The following SPINT1 variants were observed in gnomAD, a reference collection of about 807,000 sequenced individuals.
SPINT1 encodes serine peptidase inhibitor, Kunitz type 1, also known as kunitz-type protease inhibitor 1.
In SPINT1, 38 loss-of-function variants were observed where a neutral mutation model predicts 53.7. That is an observed-to-expected ratio of 0.71 (90% CI 0.55 to 0.93). The LOEUF (loss-of-function observed/expected upper bound fraction) is 0.93. Ranked by LOEUF, SPINT1 falls within the 40% of genes least tolerant of loss-of-function variation. The pLI is 0.00. For missense variants in SPINT1, 645 were observed against 692.9 expected, an observed-to-expected ratio of 0.93 and a Z score of 0.78; for synonymous variants, 283 against 280.6, an observed-to-expected ratio of 1.01 and a Z score of -0.08.
rs1353864468 is a variant in SPINT1 at position 40,844,504 on chromosome 15, C to T, written c.-51C>T. 2 of 1,568,336 alleles carry T rather than the reference C, an allele frequency of 1.3e-6. No individual in the cohort carries two copies. The highest frequency in any genetic ancestry group is 1.1e-5 in the South Asian group (1 of 90,116). On this transcript the variant is annotated 5_prime_UTR_variant, in exon 2 of 11. Transcript: ENST00000562057. This position sits in a 1 kb window ranked among gnomAD's most constrained non-coding sequence, Gnocchi z 5.8. Reference sequence around the variant, plus strand: ...CTTCTTCTCAGGTCACCAGCACCCTCGGAACCCAGAGGCCCGCGCTCTGAA... The same window carrying T: ...CTTCTTCTCAGGTCACCAGCACCCTTGGAACCCAGAGGCCCGCGCTCTGAA...
rs768272269 is a variant in SPINT1, at chr15:40,844,794, C to A, written c.240C>A (p.Thr80=). ...GAGCTACCTTCCTGGAGTCCCCCAC[C>A]GTGCGCCGGGGCTGGGACTGCGTGC... ...SNGATFLESP[T]VRRGWDCVRA... Residue 80 remains threonine (T), a synonymous_variant, in exon 2 of 11, where the codon ACC becomes ACA. Transcript: ENST00000562057. This position sits in a 1 kb window ranked among gnomAD's most constrained non-coding sequence, Gnocchi z 5.8. 1.2e-6 allele frequency: 2 copies of A among 1,613,256 alleles called. No homozygotes were observed. Among genetic ancestry groups the A allele is most frequent in the Non-Finnish European group, 1.7e-6 (2 of 1,179,672 alleles).
intron 2 of SPINT1, among the ~76,000 whole-genome samples, chr15:40,847,633 G>C (rs1215255117): frequency 2.0e-5 from 3 of 152,140 alleles, no homozygotes; most frequent in Non-Finnish European, 4.4e-5. Flanking sequence ...TAACTAACTG[G>C]GGGAGGGGCT....
rs1021830460 is a variant in SPINT1 at position 40,857,294 on chromosome 15, A to G, written c.*319A>G. On this transcript the variant is annotated 3_prime_UTR_variant, in exon 11 of 11. Coordinates refer to ENST00000562057, the MANE Select transcript of SPINT1 (RefSeq NM_003710.4). The stretch of plus-strand genomic sequence containing the variant: ...GTCCCTACCCCATGGTGCTAGGAAG[A>G]GGAGTGGGGTGGTGTCAGACCCTGG... 2.7e-5 allele frequency: 10 copies of G among 365,580 alleles called. No homozygotes were observed. The highest frequency in any genetic ancestry group is 5.0e-5 in the Non-Finnish European group (10 of 199,562). The allele number at this position is 365,580 out of a possible 1,614,324, so 22.6% of individuals were successfully genotyped here.
At chr15:40,854,752 C>G in intron 8 of SPINT1, 63 bp downstream of exon 8, 1 of 1,603,574 alleles carries the variant, frequency 6.2e-7, no homozygotes, top group Non-Finnish European at 8.5e-7. Context: ...CTCACTATTT[C>G]CATCCAGCAG....
chr15:40,854,607 G>A, intron 7 of SPINT1, 32 bp from the exon 8 acceptor site: 1 of 1,614,218 alleles, frequency 6.2e-7, no homozygotes. Flanking sequence ...GACCCTTGTT[G>A]GGTCTGAGAC....
Position 40,856,058 on chromosome 15 carries a change from C to G in SPINT1, c.1284C>G (p.Ile428Met). 6.2e-7 allele frequency: 1 copy of G among 1,613,974 alleles called. No homozygotes were observed. Among genetic ancestry groups the G allele is most frequent in the Non-Finnish European group, 8.5e-7 (1 of 1,179,968 alleles). ...EQQCLESCRGISKKDVFGLRR... is the reference protein window; with the variant it reads ...EQQCLESCRGMSKKDVFGLRR... ...AGTGCCTCGAGTCTTGTCGCGGCATCTCCAGTGAGTGGGCCAGTGAGAGGG... is the reference window on the plus strand; with the variant it reads ...AGTGCCTCGAGTCTTGTCGCGGCATGTCCAGTGAGTGGGCCAGTGAGAGGG... The change falls in exon 9 of 11, where the codon ATC becomes ATG. Residue 428 changes from isoleucine (I) to methionine (M), a missense_variant. Physicochemically the swap from Ile to Met is conservative, Grantham distance 10 (BLOSUM62 1). Transcript: ENST00000562057.
Position 40,853,224 on chromosome 15 carries a change from G to A in SPINT1, c.576G>A (p.Leu192=), listed in dbSNP as rs901586136. 6.2e-7 allele frequency: 1 copy of A among 1,614,122 alleles called. No individual in the cohort carries two copies. The highest frequency in any genetic ancestry group is 1.3e-5 in the African/African-American group (1 of 74,950). The change falls in exon 3 of 11, where the codon CTG becomes CTA. Residue 192 remains leucine, a synonymous_variant. Transcript: ENST00000562057. ...TGGAAAACACAGATTGGCGCCTACT[G>A]CGGGGTGACACGGATGTCAGGGTAG... ...KDVENTDWRL[L]RGDTDVRVER...
At chr15:40,853,926 C>G in intron 5 of SPINT1, 45 bp downstream of exon 5, 2 of 1,614,082 alleles carry the variant, frequency 1.2e-6, no homozygotes, top group East Asian at 2.2e-5. Flanking sequence ...GACTTTCCCC[C>G]AGGGTGAGTG....
chr15:40,847,052 T>G (rs689589), intron 2 of SPINT1, among the ~76,000 whole-genome samples: 104,991 of 152,090 alleles, frequency 0.69, 37,585 homozygotes, highest in East Asian at 0.99. Flanking sequence ...TCAGGGAGCT[T>G]AGCTGGACTA....
chr15:40,856,799 C>G lies in SPINT1; in HGVS notation c.1366C>G (p.Leu456Val), dbSNP rs781761957. 1.9e-6 allele frequency: 3 copies of G among 1,614,194 alleles called. No homozygotes were observed. In the East Asian group the frequency reaches 6.7e-5, roughly 36 times the overall value. Residue 456 changes from leucine (L) to valine (V), a missense_variant, in exon 11 of 11, where the codon CTG becomes GTG. Physicochemically the swap from Leu to Val is conservative, Grantham distance 32 (BLOSUM62 1). Transcript: ENST00000562057. Reference sequence around the variant, plus strand: ...TGTGGAGATGGCTGTCGCAGTGTTCCTGGTCATCTGCATTGTGGTGGTGGT... The same window carrying G: ...TGTGGAGATGGCTGTCGCAGTGTTCGTGGTCATCTGCATTGTGGTGGTGGT... The part of the protein sequence containing the change: ...GSVEMAVAVF[L>V]VICIVVVVAI...
In SPINT1 at chr15:40,854,076, G is replaced by C. The variant is rs1289164125; in HGVS notation, c.930G>C (p.Arg310Ser). Reference sequence around the variant, plus strand: ...CTCTCCCAGGCCCCTCCATGGAAAGGCGCCATCCAGGTGGGCTTTACTCCC... The same window carrying C: ...CTCTCCCAGGCCCCTCCATGGAAAGCCGCCATCCAGGTGGGCTTTACTCCC... ...CRGVQGPSME[R>S]RHPVCSGTCQ... The change falls in exon 6 of 11, where the codon AGG becomes AGC. Residue 310 changes from arginine (R) to serine (S), a missense_variant. Transcript: ENST00000562057. 1 of 1,545,574 alleles carries C rather than the reference G, an allele frequency of 6.5e-7. No individual in the cohort carries two copies. The highest frequency in any genetic ancestry group is 8.7e-7 in the Non-Finnish European group (1 of 1,148,340).
At chr15:40,847,756 G>T (rs1349217499) in intron 2 of SPINT1, among the ~76,000 whole-genome samples, 1 of 152,110 alleles carries the variant, frequency 6.6e-6, no homozygotes, top group South Asian at 2.1e-4. Context: ...GGACTGAGTT[G>T]TGTTGGGGTG....
rs1891241302 is a variant in SPINT1, at chr15:40,844,930, A to C, written c.376A>C (p.Asn126His). ...CCTCATCAACTGCCTCTACGAGCAG[A>C]ACTTCGTGTGCAAGTTCGCGCCCAG... ...CFLINCLYEQ[N>H]FVCKFAPREG... Residue 126 changes from asparagine to histidine, a missense_variant, in exon 2 of 11, where the codon AAC (asparagine) becomes CAC (histidine). By Grantham distance (68) the Asn-to-His change is moderately conservative. Coordinates refer to ENST00000562057, the MANE Select transcript of SPINT1 (RefSeq NM_003710.4). The surrounding 1 kb of genome is among the most constrained non-coding windows in gnomAD (Gnocchi z 5.8). 1 of 1,613,872 alleles carries C rather than the reference A, an allele frequency of 6.2e-7. No homozygotes were observed. Among genetic ancestry groups the C allele is most frequent in the Non-Finnish European group, 8.5e-7 (1 of 1,180,034 alleles).
chr15:40,845,508 G>A (rs1055602466), intron 2 of SPINT1, among the ~76,000 whole-genome samples: 9 of 151,888 alleles, frequency 5.9e-5, no homozygotes, highest in Non-Finnish European at 8.8e-5. Context: ...TGATCAATGG[G>A]GTGACAGATG....
At chr15:40,852,662 T>TGTGTG (rs1891495476) in intron 2 of SPINT1, among the ~76,000 whole-genome samples, 1 of 151,552 alleles carries the variant, frequency 6.6e-6, no homozygotes, top group South Asian at 2.1e-4. Flanking sequence ...TGTGTGTGTG[T>TGTGTG]TTACTCAATA....
chr15:40,854,468 T>C lies in SPINT1; in HGVS notation c.1012T>C (p.Cys338Arg), dbSNP rs748183999. Residue 338 changes from cysteine to arginine, a missense_variant, in exon 7 of 11, where the codon TGT (cysteine) becomes CGT (arginine). Transcript: ENST00000562057. ...CTGCTGCATCGACAGTTTCCTGGAG[T>C]GTGACGACACCCCCAACTGCCCCGA... ...NGCCIDSFLE[C>R]DDTPNCPDAS... 33 of 1,613,168 alleles carry C rather than the reference T, an allele frequency of 2.0e-5. No individual in the cohort carries two copies. Among genetic ancestry groups the C allele is most frequent in the Non-Finnish European group, 2.7e-5 (32 of 1,179,806 alleles).
Position 40,854,091 on chromosome 15 carries a change from G to A in SPINT1, c.940+5G>A. On this transcript the variant is annotated splice_donor_5th_base_variant and intron_variant, in intron 6 of 10. Transcript: ENST00000562057. The stretch of plus-strand genomic sequence containing the variant: ...CCATGGAAAGGCGCCATCCAGGTGG[G>A]CTTTACTCCCCTCCCCATCCCCCAT... 6.5e-7 allele frequency: 1 copy of A among 1,538,554 alleles called. No individual in the cohort carries two copies. The highest frequency in any genetic ancestry group is 8.7e-7 in the Non-Finnish European group (1 of 1,145,244).
rs746728134 is a variant in SPINT1, at chr15:40,853,226, G to C, written c.578G>C (p.Arg193Pro). 1.2e-6 allele frequency: 2 copies of C among 1,614,202 alleles called. No homozygotes were observed. The highest frequency in any genetic ancestry group is 4.5e-5 in the East Asian group (2 of 44,882). ...DVENTDWRLL[R>P]GDTDVRVERK... The stretch of plus-strand genomic sequence containing the variant: ...GAAAACACAGATTGGCGCCTACTGC[G>C]GGGTGACACGGATGTCAGGGTAGAG... Residue 193 changes from arginine to proline, a missense_variant, in exon 3 of 11, where the codon CGG (arginine) becomes CCG (proline). Coordinates refer to ENST00000562057, the MANE Select transcript of SPINT1 (RefSeq NM_003710.4).
intron 2 of SPINT1, among the ~76,000 whole-genome samples, chr15:40,847,473 C>A (rs1050742858): frequency 1.4e-4 from 21 of 152,150 alleles, no homozygotes; most frequent in African/African-American, 4.8e-4. Context: ...TGTGGCCAGG[C>A]CAGGCCAGTA....
Sources: gnomAD v4.1 joint callset for allele counts (sites outside exome capture counted in the v4.1 genomes callset) on GRCh38, gnomAD v4.1.1 for gene constraint, Gnocchi (gnomAD v3.1) non-coding constraint, MANE v1.5 for transcripts, NCBI Gene and HGNC (gene_info 2026-07-23, HGNC 2026-07-21) for gene names.